Variants in AUTS2 observed in about 807,000 individuals in gnomAD.
AUTS2 encodes the protein activator of transcription and developmental regulator AUTS2.
Under a neutral mutation model 112.4 loss-of-function variants are expected in AUTS2, and 17 were observed. The ratio of observed to expected loss-of-function variants is 0.15; its 90% CI spans 0.10 to 0.23. The LOEUF is 0.23. Ranked by LOEUF, AUTS2 falls within the 10% of genes least tolerant of loss-of-function variation. AUTS2 has a pLI of 1.00. For missense variants in AUTS2, 1,510 were observed against 1,701.6 expected (o/e 0.89, Z 1.98); for synonymous variants, 751 against 702.7 (o/e 1.07, Z -1.09).
chr7:70,155,191 A>T (rs1378239936), intron 4 of AUTS2, among the ~76,000 whole-genome samples: 1 of 152,126 alleles, frequency 6.6e-6, no homozygotes, highest in Non-Finnish European at 1.5e-5. Flanking sequence ...CCCATACATC[A>T]TTTGGGGAGA....
intron 5 of AUTS2, among the ~76,000 whole-genome samples, chr7:70,594,219 T>G (rs566018731): frequency 6.6e-6 from 1 of 152,342 alleles, no homozygotes; most frequent in East Asian, 1.9e-4. Context: ...CCCTGACCTT[T>G]GCTCTGTCCC....
chr7:69,609,393 C>A (rs1215125238), intron 1 of AUTS2, among the ~76,000 whole-genome samples: 2 of 152,136 alleles, frequency 1.3e-5, no homozygotes, highest in African/African-American at 4.8e-5. Flanking sequence ...AGTGTATCAC[C>A]CTGAAATTAG....
chr7:70,739,682 TTGTC>T (rs1306907339), intron 6 of AUTS2, among the ~76,000 whole-genome samples: 1 of 152,018 alleles, frequency 6.6e-6, no homozygotes, highest in Non-Finnish European at 1.5e-5. Flanking sequence ...ACTCAGCCAT[TTGTC>T]TGATGTGTAA....
intron 1 of AUTS2, among the ~76,000 whole-genome samples, chr7:69,792,099 A>G (rs1214772135): frequency 1.3e-5 from 2 of 152,210 alleles, no homozygotes; most frequent in East Asian, 3.9e-4. Context: ...GTTTAAAGCT[A>G]GTGATACCTC....
intron 1 of AUTS2, among the ~76,000 whole-genome samples, chr7:69,804,077 C>T (rs746852764): frequency 1.5e-4 from 23 of 152,082 alleles, no homozygotes; most frequent in African/African-American, 2.4e-4. Flanking sequence ...TACTAAACAA[C>T]GTGTATTTCC....
intron 5 of AUTS2, among the ~76,000 whole-genome samples, chr7:70,668,001 G>C (rs1455459397): frequency 6.6e-6 from 1 of 152,178 alleles, no homozygotes; most frequent in Admixed American, 6.5e-5. Flanking sequence ...ATGAGATTCT[G>C]CATTTCTTTT....
Position 70,787,382 on chromosome 7 carries a change from A to G in AUTS2, c.2482A>G (p.Arg828Gly). The G allele has an allele frequency of 6.2e-7, 1 of 1,613,362 alleles. No individual in the cohort carries two copies. The highest frequency in any genetic ancestry group is 1.1e-5 in the South Asian group (1 of 91,062). ...SASAAAHDRDRDVDKRDSSVS... is the reference protein window; with the variant it reads ...SASAAAHDRDGDVDKRDSSVS... ...GTCCGCTGCAGCTCATGACAGAGATAGAGATGTAGATAAACGAGACTCATC... is the reference window on the plus strand; with the variant it reads ...GTCCGCTGCAGCTCATGACAGAGATGGAGATGTAGATAAACGAGACTCATC... The change falls in exon 18 of 19, where the codon AGA becomes GGA. Residue 828 changes from arginine (R) to glycine (G), a missense_variant. Around this residue, in one of 3 missense-constraint regions of AUTS2, gnomAD observed 788 missense variants for 797.6 expected, o/e 0.99. Coordinates refer to ENST00000342771, the MANE Select transcript of AUTS2 (RefSeq NM_015570.4).
chr7:70,277,368 G>A (rs1414407261), intron 4 of AUTS2, among the ~76,000 whole-genome samples: 1 of 152,202 alleles, frequency 6.6e-6, no homozygotes. Context: ...AAGAAACCTG[G>A]CAAGGGAGTG....
rs145050703 is a variant in AUTS2, at chr7:70,057,953, C to T, written c.523-60179C>T. ...GGGTTCTCATGGTAAGACAGTGATA[C>T]GACTATTATGTATATGGTAAGGGGG... is the stretch of plus-strand genomic sequence containing the variant. On this transcript the variant is annotated intron_variant, in intron 2 of 18. Transcript: ENST00000342771. Among the ~76,000 whole-genome samples, 6 of 152,150 alleles carry T rather than the reference C, an allele frequency of 3.9e-5. No individual in the cohort carries two copies. In the South Asian group the frequency reaches 6.2e-4, roughly 16 times the overall value.
intron 1 of AUTS2, among the ~76,000 whole-genome samples, chr7:69,832,042 AT>A (rs1447209336): frequency 1.3e-5 from 2 of 152,094 alleles, no homozygotes; most frequent in East Asian, 3.9e-4. Context: ...CTTTGAACCT[AT>A]GGTAATCCCT....
chr7:69,877,380 A>G lies in AUTS2; in HGVS notation c.310-21906A>G, dbSNP rs143160737. On this transcript the variant is annotated intron_variant, in intron 1 of 18. Coordinates refer to ENST00000342771, the MANE Select transcript of AUTS2 (RefSeq NM_015570.4). Reference sequence around the variant, plus strand: ...AGTAAGCACCTCATTTTAAAGTTTTATATTTATACTACTGTACTAATATAT... The same window carrying G: ...AGTAAGCACCTCATTTTAAAGTTTTGTATTTATACTACTGTACTAATATAT... Among the ~76,000 whole-genome samples, 10 of 152,326 alleles carry G rather than the reference A, an allele frequency of 6.6e-5. No individual in the cohort carries two copies. The East Asian group carries it at 1.7e-3, about 26-fold the overall frequency.
chr7:70,526,578 A>G lies in AUTS2; in HGVS notation c.690+90797A>G, dbSNP rs374498382. Among the ~76,000 whole-genome samples the G allele has an allele frequency of 1.2e-4, 18 of 152,324 alleles. No individual in the cohort carries two copies. In the East Asian group the frequency reaches 2.1e-3, roughly 18 times the overall value. On this transcript the variant is annotated intron_variant, in intron 5 of 18. Coordinates refer to ENST00000342771, the MANE Select transcript of AUTS2 (RefSeq NM_015570.4). The stretch of plus-strand genomic sequence containing the variant: ...TCCCAGCTACTCTGGAGGCTGAGAC[A>G]CGAGATTCACTTGTCTGGGAGGCAG...
chr7:70,153,951 T>C (rs1807597422), intron 4 of AUTS2, among the ~76,000 whole-genome samples: 1 of 152,210 alleles, frequency 6.6e-6, no homozygotes, highest in Non-Finnish European at 1.5e-5. Flanking sequence ...TCTGATAAAA[T>C]GTAGGCCACC....
chr7:70,065,812 C>T (rs1430588024), intron 2 of AUTS2, among the ~76,000 whole-genome samples: 1 of 152,116 alleles, frequency 6.6e-6, no homozygotes, highest in African/African-American at 2.4e-5. Flanking sequence ...CTCAGGGAAT[C>T]CTCCCACCTC....
intron 2 of AUTS2, among the ~76,000 whole-genome samples, chr7:70,109,104 G>A (rs1459518804): frequency 6.6e-6 from 1 of 152,162 alleles, no homozygotes; most frequent in Non-Finnish European, 1.5e-5. Flanking sequence ...TTTTCTATTT[G>A]AGAGTGGTGG....
intron 5 of AUTS2, among the ~76,000 whole-genome samples, chr7:70,444,343 C>CGTGTGTGTGTGTGTGTGTGT (rs370735846): frequency 7.9e-5 from 11 of 138,678 alleles, no homozygotes; most frequent in Non-Finnish European, 1.1e-4. Flanking sequence ...TGGTCATGTA[C>CGTGTGTGTGTGTGTGTGTGT]GTGTGTGTGT....
In AUTS2 at chr7:69,628,166, G is replaced by T. The variant is rs1330277018; in HGVS notation, c.309+28204G>T. 4.6e-5 allele frequency among the ~76,000 whole-genome samples: 7 copies of T among 152,324 alleles called. No individual in the cohort carries two copies. In the East Asian group the frequency reaches 1.2e-3, roughly 25 times the overall value. ...TTCTAAGAACAGTCCCCTGAAACGAGATGGTTTATGCATATTCTTCTGAAG... is the reference window on the plus strand; with the variant it reads ...TTCTAAGAACAGTCCCCTGAAACGATATGGTTTATGCATATTCTTCTGAAG... On this transcript the variant is annotated intron_variant, in intron 1 of 18. Coordinates refer to ENST00000342771, the MANE Select transcript of AUTS2 (RefSeq NM_015570.4).
intron 4 of AUTS2, among the ~76,000 whole-genome samples, chr7:70,297,407 T>C (rs1341811442): frequency 6.6e-6 from 1 of 151,430 alleles, no homozygotes; most frequent in Non-Finnish European, 1.5e-5. Context: ...GAGCTCAAAA[T>C]ATTGTGAAGA....
intron 1 of AUTS2, among the ~76,000 whole-genome samples, chr7:69,835,627 A>T (rs1437279917): frequency 1.3e-5 from 2 of 152,214 alleles, no homozygotes; most frequent in Non-Finnish European, 2.9e-5. Context: ...CAGGCATGTG[A>T]CAAGAGCAAG....
Sources: allele counts gnomAD v4.1 joint callset (sites outside exome capture counted in the v4.1 genomes callset), GRCh38; gene constraint gnomAD v4.1.1; regional missense constraint gnomAD v4.1.1; transcripts MANE v1.5; gene names NCBI Gene and HGNC (gene_info 2026-07-23, HGNC 2026-07-21).